Variants in LARGE1 observed in about 807,000 individuals in gnomAD.
LARGE1 encodes xylosyl- and glucuronyltransferase LARGE1.
LARGE1 carries 43 observed loss-of-function variants against 87.6 expected under a neutral mutation model. That is an observed-to-expected ratio of 0.49 (90% CI 0.38 to 0.63). The LOEUF is 0.63. Ranked by LOEUF, LARGE1 falls within the 30% of genes least tolerant of loss-of-function variation. The pLI is 0.00. For missense variants in LARGE1, 802 were observed against 1,000.2 expected, an observed-to-expected ratio of 0.80 and a Z score of 2.67; for synonymous variants, 434 against 394.6, an observed-to-expected ratio of 1.10 and a Z score of -1.18.
intron 11 of LARGE1, among the ~76,000 whole-genome samples, chr22:33,196,899 A>T (rs1568969290): frequency 6.6e-6 from 1 of 152,190 alleles, no homozygotes; most frequent in Non-Finnish European, 1.5e-5. Flanking sequence ...ACTACTCATG[A>T]CTAGCATAAT....
intron 2 of LARGE1, among the ~76,000 whole-genome samples, chr22:33,713,914 C>T (rs1320899306): frequency 1.3e-5 from 2 of 152,070 alleles, no homozygotes; most frequent in East Asian, 3.9e-4. Context: ...CAGGATGGTG[C>T]TGCTGCACTC....
At chr22:33,776,437 G>A (rs1279910642) in intron 1 of LARGE1, among the ~76,000 whole-genome samples, 5 of 152,148 alleles carry the variant, frequency 3.3e-5, no homozygotes, top group African/African-American at 4.8e-5. Flanking sequence ...GGTCTTTAAC[G>A]CAAATTTATC....
chr22:33,825,926 C>A (rs967355430), intron 1 of LARGE1, among the ~76,000 whole-genome samples: 6 of 151,958 alleles, frequency 3.9e-5, no homozygotes, highest in Admixed American at 2.0e-4. Context: ...GAGACAGAAA[C>A]TGCCACTCTT....
chr22:33,274,681 G>A (rs912554242), intron 14 of LARGE1, 57 bp from the exon 15 acceptor site: 1 of 1,465,268 alleles, frequency 6.8e-7, no homozygotes, highest in African/African-American at 1.4e-5. Flanking sequence ...CATGCATGAT[G>A]AAGGCCCAAG....
chr22:33,835,764 C>T (rs2146366775), intron 1 of LARGE1, among the ~76,000 whole-genome samples: 1 of 152,320 alleles, frequency 6.6e-6, no homozygotes, highest in South Asian at 2.1e-4. Context: ...ACGGTTAAAG[C>T]AGTCCTGAAA....
the LARGE1 span, among the ~76,000 whole-genome samples, chr22:33,139,936 T>C: frequency 6.6e-6 from 1 of 152,172 alleles, no homozygotes; most frequent in Non-Finnish European, 1.5e-5. Context: ...GTGGTCTGAT[T>C]CTTTTGGAGT....
intron 11 of LARGE1, among the ~76,000 whole-genome samples, chr22:33,184,168 T>TA (rs1198719960): frequency 6.8e-6 from 1 of 147,128 alleles, no homozygotes; most frequent in South Asian, 2.1e-4. Context: ...TATTTTAAAA[T>TA]AAAAAAATTG....
chr22:33,414,596 T>C (rs184662593), intron 7 of LARGE1, among the ~76,000 whole-genome samples: 87 of 152,322 alleles, frequency 5.7e-4, no homozygotes, highest in African/African-American at 2.0e-3. Context: ...CATAGCTCTA[T>C]GGCATCTGTA....
chr22:33,361,544 A>G (rs925537916), intron 9 of LARGE1, among the ~76,000 whole-genome samples: 1 of 149,528 alleles, frequency 6.7e-6, no homozygotes, highest in South Asian at 2.2e-4. Context: ...CAGTTTTCAC[A>G]GGACTGTGGA....
intron 6 of LARGE1, among the ~76,000 whole-genome samples, chr22:33,434,340 T>G (rs2067187681): frequency 6.6e-6 from 1 of 152,180 alleles, no homozygotes; most frequent in Non-Finnish European, 1.5e-5. Flanking sequence ...CTCGCTCTGT[T>G]GCCAGGCTGG....
intron 2 of LARGE1, among the ~76,000 whole-genome samples, chr22:33,743,439 C>T (rs980378424): frequency 2.6e-5 from 4 of 152,052 alleles, no homozygotes; most frequent in African/African-American, 7.2e-5. Context: ...ATCACTGACT[C>T]TTTCTTTCTC....
chr22:33,357,832 TTAC>T (rs1380878226), intron 9 of LARGE1, among the ~76,000 whole-genome samples: 1 of 152,192 alleles, frequency 6.6e-6, no homozygotes, highest in African/African-American at 2.4e-5. Flanking sequence ...AATAATAGGT[TTAC>T]TACAATGTCT....
intron 6 of LARGE1, among the ~76,000 whole-genome samples, chr22:33,482,941 T>C (rs2069394162): frequency 6.6e-6 from 1 of 152,128 alleles, no homozygotes; most frequent in African/African-American, 2.4e-5. Context: ...CTCTACCTGA[T>C]GCTGGGAAAT....
At chr22:33,703,384 A>G (rs915784855) in intron 2 of LARGE1, among the ~76,000 whole-genome samples, 9 of 152,072 alleles carry the variant, frequency 5.9e-5, no homozygotes, top group Non-Finnish European at 1.3e-4. Flanking sequence ...AAATAAAAAA[A>G]GACTAGAGAG....
intron 6 of LARGE1, among the ~76,000 whole-genome samples, chr22:33,450,110 C>T (rs2067851468): frequency 6.6e-6 from 1 of 151,962 alleles, no homozygotes; most frequent in African/African-American, 2.4e-5. Flanking sequence ...CGGAGTTTTG[C>T]CATGTTGGCC....
chr22:33,414,932 A>T (rs538464656), intron 7 of LARGE1, among the ~76,000 whole-genome samples: 1 of 152,364 alleles, frequency 6.6e-6, no homozygotes, highest in East Asian at 1.9e-4. Context: ...TGGACTTCCC[A>T]GCCTCCAGAA....
intron 10 of LARGE1, among the ~76,000 whole-genome samples, chr22:33,331,636 G>C (rs1937719034): frequency 6.6e-6 from 1 of 152,140 alleles, no homozygotes; most frequent in African/African-American, 2.4e-5. Flanking sequence ...TTGAACTCCT[G>C]ACCTCAGGTG....
At chr22:33,596,376 C>T (rs549707693) in intron 5 of LARGE1, among the ~76,000 whole-genome samples, 2 of 152,302 alleles carry the variant, frequency 1.3e-5, no homozygotes, top group South Asian at 4.2e-4. Flanking sequence ...ATCTTGCCCT[C>T]ATTGTGTGAG....
chr22:33,247,167 T>TA lies in LARGE1; in HGVS notation c.1730+57061dup, dbSNP rs200172987. Among the ~76,000 whole-genome samples, 223 of 148,962 alleles carry TA rather than the reference T, an allele frequency of 1.5e-3. 1 individual carries two copies. Among genetic ancestry groups the TA allele is most frequent in the Middle Eastern group, 0.01 (3 of 290 alleles). On this transcript the variant is annotated intron_variant, in intron 11 of 11. Transcript: ENST00000608642. ...TTTAAAGTTGCACAGAGTGATTCAT[T>TA]AAAAAAAAACAAAACCAAAATGTTC...
Sources: gnomAD v4.1 joint callset for allele counts (sites outside exome capture counted in the v4.1 genomes callset) on GRCh38, gnomAD v4.1.1 for gene constraint, MANE v1.5 for transcripts, NCBI Gene and HGNC (gene_info 2026-07-23, HGNC 2026-07-21) for gene names.